Variants in MMP19 observed in about 807,000 individuals in gnomAD.
MMP19 encodes the protein matrix metallopeptidase 19.
A neutral mutation model predicts 46.6 loss-of-function variants in MMP19; 47 were observed. That is an observed-to-expected ratio of 1.01 (90% confidence interval 0.80 to 1.29). The LOEUF is 1.29. Ranked by LOEUF, MMP19 falls within the 50% of genes most tolerant of loss-of-function variation. The pLI is 0.00. For missense variants in MMP19, 589 were observed against 643.5 expected, an observed-to-expected ratio of 0.92 and a Z score of 0.92; for synonymous variants, 222 against 248.5, an observed-to-expected ratio of 0.89 and a Z score of 1.00.
At chr12:55,838,052 G>A (rs760722719) in intron 6 of MMP19, 45 bp from the exon 7 acceptor site, 1 of 1,513,774 alleles carries the variant, frequency 6.6e-7, no homozygotes, top group Non-Finnish European at 8.9e-7. Flanking sequence ...CAGAGGTCAA[G>A]TAGACAGAAA....
intron 5 of MMP19, among the ~76,000 whole-genome samples, chr12:55,839,241 C>CAAA (rs763182567): frequency 2.0e-4 from 12 of 58,690 alleles, no homozygotes; most frequent in South Asian, 5.7e-4. Flanking sequence ...GGCTCTATCT[C>CAAA]AAAAAAAAAA....
Position 55,842,752 on chromosome 12 carries a change from C to T in MMP19, c.79G>A (p.Ala27Thr), listed in dbSNP as rs2136238509. 1 of 1,604,774 alleles carries T rather than the reference C, an allele frequency of 6.2e-7. No homozygotes were observed. Among genetic ancestry groups the T allele is most frequent in the South Asian group, 1.1e-5 (1 of 89,456 alleles). The part of the protein sequence containing the change: ...SGRVLGLAEV[A>T]PVDYLSQYGY... ...TTTCTTGGGGGACTTACCACAGGCGCCACCTCTGCAAGCCCCAGGACCCGG... is the reference window on the plus strand; with the variant it reads ...TTTCTTGGGGGACTTACCACAGGCGTCACCTCTGCAAGCCCCAGGACCCGG... The change falls in exon 1 of 9, where the codon GCG becomes ACG. Residue 27 changes from alanine to threonine, a missense_variant. Ala to Thr is a moderately conservative substitution (Grantham distance 58). Transcript: ENST00000322569.
intron 8 of MMP19, 50 bp downstream of exon 8, chr12:55,837,505 G>T: frequency 6.2e-7 from 1 of 1,612,414 alleles, no homozygotes; most frequent in East Asian, 2.2e-5. Flanking sequence ...TCAGTATAAG[G>T]TAGCCCACTC....
Position 55,837,278 on chromosome 12 carries a change from G to C in MMP19, c.1285C>G (p.Pro429Ala). ...KGLFTGVPNQ[P>A]SAAMSWQDGR... ...TCTTGCCAACTCATAGCAGCCGAGG[G>C]CTGGTTTGGCACTCCCGTAAACAAA... The change falls in exon 9 of 9, where the codon CCC (proline) becomes GCC (alanine). Residue 429 changes from proline (P) to alanine (A), a missense_variant. Pro to Ala is a conservative substitution (Grantham distance 27). Transcript: ENST00000322569. 6.2e-7 allele frequency: 1 copy of C among 1,614,208 alleles called. No homozygotes were observed. Among genetic ancestry groups the C allele is most frequent in the Non-Finnish European group, 8.5e-7 (1 of 1,180,044 alleles).
rs767908800 is a variant in MMP19 at position 55,837,564 on chromosome 12, G to A, written c.1179C>T (p.Phe393=). The change falls in exon 8 of 9, where the codon TTC becomes TTT. Residue 393 remains phenylalanine (F), a synonymous_variant. Transcript: ENST00000322569. ...GCTTTGAACTTTATACCTTAAAGAG[G>A]AACACCTTTTGGTTGAGAGGCCAAT... is the stretch of plus-strand genomic sequence containing the variant. ...ALYWPLNQKV[F]LFKGSGYWQW... is the part of the protein sequence containing the mutation. The A allele has an allele frequency of 5.6e-6, 9 of 1,614,184 alleles. No individual in the cohort carries two copies. The South Asian group carries it at 9.9e-5, about 18-fold the overall frequency.
chr12:55,839,548 C>T lies in MMP19; in HGVS notation c.714G>A (p.Arg238=). The change falls in exon 5 of 9, where the codon CGG becomes CGA. Residue 238 remains arginine (R), a synonymous_variant. Coordinates refer to ENST00000322569, the MANE Select transcript of MMP19 (RefSeq NM_002429.6). ...CATCTGGGTGCAGCTTAAAGTGGGG[C>T]CGGTAGCCCTCGTAGACTGGGGCCA... ...ALMAPVYEGY[R]PHFKLHPDDV... is the part of the protein sequence containing the mutation. 1.9e-6 allele frequency: 3 copies of T among 1,613,866 alleles called. No individual in the cohort carries two copies. Among genetic ancestry groups the T allele is most frequent in the Non-Finnish European group, 2.5e-6 (3 of 1,179,768 alleles).
rs1056785 is a variant in MMP19, at chr12:55,836,942, A to G, written c.*94T>C. ...TACTGAGCAGACAGGTATTTCATTC[A>G]GCTATTAGGCCTTAGGCTTCTGGGG... On this transcript the variant is annotated 3_prime_UTR_variant, in exon 9 of 9. Transcript: ENST00000322569. 1.7e-6 allele frequency: 2 copies of G among 1,150,156 alleles called. No homozygotes were observed. Among genetic ancestry groups the G allele is most frequent in the Non-Finnish European group, 2.5e-6 (2 of 812,814 alleles). 71.2% of individuals were successfully genotyped at this position (1,150,156 alleles called of 1,614,324 possible).
rs1301077244 is a variant in MMP19 at position 55,839,639 on chromosome 12, A to T, written c.623T>A (p.Ile208Asn). The change falls in exon 5 of 9, where the codon ATC (isoleucine) becomes AAC (asparagine). Residue 208 changes from isoleucine (I) to asparagine (N), a missense_variant. Physicochemically the swap from Ile to Asn is moderately radical, Grantham distance 149. Transcript: ENST00000322569. ...EGTYRGVNLR[I>N]IAAHEVGHAL... ...ATGGCCCACTTCATGGGCTGCAATGATGCGCAGGTTCACCCCACGGTAGGT... is the reference window on the plus strand; with the variant it reads ...ATGGCCCACTTCATGGGCTGCAATGTTGCGCAGGTTCACCCCACGGTAGGT... 3 of 1,614,114 alleles carry T rather than the reference A, an allele frequency of 1.9e-6. No homozygotes were observed. Among genetic ancestry groups the T allele is most frequent in the Non-Finnish European group, 2.5e-6 (3 of 1,180,052 alleles).
chr12:55,838,386 T>C (rs377429028), intron 6 of MMP19: 6 of 969,174 alleles, frequency 6.2e-6, no homozygotes, highest in South Asian at 5.5e-5. Flanking sequence ...TAGTGGCCCT[T>C]AGAGCGTGGC....
At chr12:55,842,539 TG>T in intron 1 of MMP19, 101 bp from the exon 2 acceptor site, 1 of 982,536 alleles carries the variant, frequency 1.0e-6, no homozygotes, top group Non-Finnish European at 1.6e-6. Context: ...GGACCTGATA[TG>T]GAAGCACTAA....
At chr12:55,841,937 T>C (rs1881730922) in intron 2 of MMP19, among the ~76,000 whole-genome samples, 1 of 152,086 alleles carries the variant, frequency 6.6e-6, no homozygotes, top group South Asian at 2.1e-4. Flanking sequence ...CCTGAACATA[T>C]CTGAGAGCAG....
In MMP19 at chr12:55,842,618, A is replaced by G. The variant is rs1881775062; in HGVS notation, c.87+126T>C. 7.9e-6 allele frequency: 7 copies of G among 888,980 alleles called. No individual in the cohort carries two copies. In the South Asian group the frequency reaches 8.8e-5, roughly 11 times the overall value. The allele number at this position is 888,980 out of a possible 1,614,324, so 55.1% of individuals were successfully genotyped here. A position where few individuals can be genotyped will look rare whatever the true frequency, so the allele number is the denominator to read the frequency against. ...AAGCAGCGGGAGATGGGCAGGGTAG[A>G]CCATGGGGCAGAGAGAGCAAGGGAA... On this transcript the variant is annotated intron_variant, in intron 1 of 8. Transcript: ENST00000322569.
At chr12:55,838,576 T>A in intron 6 of MMP19, 30 bp downstream of exon 6, 1 of 1,614,158 alleles carries the variant, frequency 6.2e-7, no homozygotes, top group Non-Finnish European at 8.5e-7. Context: ...CCCCACCGCC[T>A]GCCAACAGCC....
chr12:55,842,561 C>T (rs1221057653), intron 1 of MMP19, 123 bp from the exon 2 acceptor site: 19 of 917,986 alleles, frequency 2.1e-5, no homozygotes, highest in Admixed American at 1.7e-4. Flanking sequence ...TGGAGAAGCA[C>T]CTTAGAGAAG....
Position 55,835,563 on chromosome 12 carries a change from C to T in MMP19, c.*1473G>A, listed in dbSNP as rs1881153775. 1 of 152,232 alleles carries T rather than the reference C, an allele frequency of 6.6e-6. No homozygotes were observed. Among genetic ancestry groups the T allele is most frequent in the African/African-American group, 2.4e-5 (1 of 41,428 alleles). The allele number at this position is 152,232 out of a possible 1,614,324, so 9.4% of individuals were successfully genotyped here. Reference sequence around the variant, plus strand: ...CAAAGTGCTAGGATTATAGCCACCGCACCTCGTCTTGAAATAGCCTTTTAA... The same window carrying T: ...CAAAGTGCTAGGATTATAGCCACCGTACCTCGTCTTGAAATAGCCTTTTAA... On this transcript the variant is annotated 3_prime_UTR_variant, in exon 9 of 9. Transcript: ENST00000322569.
intron 4 of MMP19, chr12:55,840,119 A>G (rs1881575950): frequency 9.1e-6 from 2 of 218,754 alleles, no homozygotes; most frequent in Non-Finnish European, 1.8e-5. Flanking sequence ...TGAGTACAGG[A>G]GTTTAAGACC....
At chr12:55,839,967 G>A (rs1222024379) in intron 4 of MMP19, 2 of 587,370 alleles carry the variant, frequency 3.4e-6, no homozygotes, top group Non-Finnish European at 5.9e-6. Context: ...CCTGCTCTCT[G>A]ACCCAGTCCT....
chr12:55,837,770 C>T (rs1881352878), intron 7 of MMP19, 73 bp downstream of exon 7: 2 of 1,597,982 alleles, frequency 1.3e-6, no homozygotes, highest in African/African-American at 2.7e-5. Context: ...AGAAACTTCT[C>T]ATCTCCCTCC....
chr12:55,837,370 G>C lies in MMP19; in HGVS notation c.1193C>G (p.Ser398Cys). 6.3e-7 allele frequency: 1 copy of C among 1,598,770 alleles called. No individual in the cohort carries two copies. The highest frequency in any genetic ancestry group is 8.6e-7 in the Non-Finnish European group (1 of 1,169,124). The stretch of plus-strand genomic sequence containing the variant: ...TAGCTCGTCCCACTGCCAGTACCCG[G>C]AGCCCTGGATATGGGATGGGTGGGG... The part of the protein sequence containing the change: ...LNQKVFLFKG[S>C]GYWQWDELAR... The change falls in exon 9 of 9, where the codon TCC becomes TGC. Residue 398 changes from serine (S) to cysteine (C), a missense_variant. Transcript: ENST00000322569.
Sources: gnomAD v4.1 joint callset for allele counts (sites outside exome capture counted in the v4.1 genomes callset) on GRCh38, gnomAD v4.1.1 for gene constraint, MANE v1.5 for transcripts, NCBI Gene and HGNC (gene_info 2026-07-23, HGNC 2026-07-21) for gene names.